Variants in CHMP3 observed in about 807,000 individuals in gnomAD.
CHMP3 encodes the protein charged multivesicular body protein 3.
In CHMP3, 8 loss-of-function variants were observed where a neutral mutation model predicts 27.4. The ratio of observed to expected loss-of-function variants is 0.29; its 90% CI spans 0.17 to 0.53. CHMP3 has a LOEUF of 0.53. Among genes scored for constraint, CHMP3 ranks in the 20% least tolerant of loss-of-function variants. The pLI, the probability that CHMP3 is intolerant of heterozygous loss-of-function variation, is 0.96. For synonymous variants in CHMP3, 86 were observed against 85.5 expected, an observed-to-expected ratio of 1.01 and a Z score of -0.03; for missense variants, 208 against 271.5, an observed-to-expected ratio of 0.77 and a Z score of 1.64.
intron 1 of CHMP3, among the ~76,000 whole-genome samples, chr2:86,552,818 A>G (rs1482763295): frequency 1.3e-5 from 2 of 152,188 alleles, no homozygotes; most frequent in African/African-American, 4.8e-5. Flanking sequence ...TAGAGAAAAA[A>G]GCTAACCACA....
intron 4 of CHMP3, among the ~76,000 whole-genome samples, chr2:86,509,807 T>C (rs1454160709): frequency 6.6e-6 from 1 of 152,256 alleles, no homozygotes; most frequent in Non-Finnish European, 1.5e-5. Flanking sequence ...GACTAGGAGA[T>C]AGGACAGTAT....
At chr2:86,533,164 T>C (rs1675993501) in intron 2 of CHMP3, among the ~76,000 whole-genome samples, 1 of 152,208 alleles carries the variant, frequency 6.6e-6, no homozygotes, top group Admixed American at 6.5e-5. Context: ...AAGTTTCATG[T>C]TTCTAGTAAT....
At chr2:86,550,454 G>GAA (rs1676861889) in intron 1 of CHMP3, among the ~76,000 whole-genome samples, 2 of 151,208 alleles carry the variant, frequency 1.3e-5, no homozygotes. Flanking sequence ...GGGAGAGGGA[G>GAA]AGAGAGAGGG....
At chr2:86,535,994 CT>C (rs60555193) in intron 2 of CHMP3, among the ~76,000 whole-genome samples, 167 of 111,536 alleles carry the variant, frequency 1.5e-3, no homozygotes, top group Admixed American at 4.7e-3. Context: ...ATAAACCTTT[CT>C]TTTTTTTTTT....
chr2:86,552,726 G>C (rs1676959186), intron 1 of CHMP3, among the ~76,000 whole-genome samples: 2 of 152,168 alleles, frequency 1.3e-5, no homozygotes, highest in South Asian at 4.1e-4. Flanking sequence ...CAGGTTACCT[G>C]TGAGGCATTC....
chr2:86,530,212 C>T (rs1371473080), intron 2 of CHMP3, among the ~76,000 whole-genome samples: 2 of 152,062 alleles, frequency 1.3e-5, no homozygotes, highest in African/African-American at 2.4e-5. Context: ...AGGCTGGTCT[C>T]GAACTGCTGA....
chr2:86,552,517 T>TTA (rs1250257138), intron 1 of CHMP3, among the ~76,000 whole-genome samples: 17 of 152,232 alleles, frequency 1.1e-4, no homozygotes, highest in African/African-American at 3.4e-4. Context: ...TTAATGTGTC[T>TTA]AAGTGAAGGA....
intron 3 of CHMP3, among the ~76,000 whole-genome samples, chr2:86,517,415 AATT>A (rs1675353549): frequency 6.6e-6 from 1 of 151,884 alleles, no homozygotes; most frequent in Non-Finnish European, 1.5e-5. Flanking sequence ...AAATACAAAA[AATT>A]AGCTGGGTGT....
chr2:86,506,982 T>G (rs1674911589), intron 5 of CHMP3: 1 of 152,262 alleles, frequency 6.6e-6, no homozygotes, highest in African/African-American at 2.4e-5. Flanking sequence ...CATTCTTAAT[T>G]ATTTCATTAA....
chr2:86,508,872 G>T (rs1450360521), intron 4 of CHMP3, among the ~76,000 whole-genome samples: 1 of 152,198 alleles, frequency 6.6e-6, no homozygotes, highest in African/African-American at 2.4e-5. Flanking sequence ...AGTACTGGGG[G>T]CTACCATAAA....
intron 2 of CHMP3, among the ~76,000 whole-genome samples, chr2:86,538,262 TG>T (rs1392081593): frequency 6.6e-6 from 1 of 152,118 alleles, no homozygotes; most frequent in Non-Finnish European, 1.5e-5. Flanking sequence ...TACCAGGGGC[TG>T]GGGGTAGAGA....
chr2:86,509,877 G>A (rs757638939), intron 4 of CHMP3, among the ~76,000 whole-genome samples: 28 of 152,320 alleles, frequency 1.8e-4, no homozygotes, highest in Non-Finnish European at 3.4e-4. Context: ...TGAGGGCCAC[G>A]AGTACAGGTC....
chr2:86,515,011 TA>T (rs1217223199), intron 3 of CHMP3, among the ~76,000 whole-genome samples: 1 of 151,986 alleles, frequency 6.6e-6, no homozygotes, highest in African/African-American at 2.4e-5. Context: ...GAATATGAAA[TA>T]AACTGGGCAG....
At chr2:86,530,513 CAT>C (rs1675879828) in intron 2 of CHMP3, among the ~76,000 whole-genome samples, 1 of 152,170 alleles carries the variant, frequency 6.6e-6, no homozygotes. Context: ...CATTTTGTAG[CAT>C]ATGTCAGAAC....
rs1490249367 is a variant in CHMP3, at chr2:86,542,317, G to T, written c.46-5C>A. 1 of 1,612,914 alleles carries T rather than the reference G, an allele frequency of 6.2e-7. No individual in the cohort carries two copies. Among genetic ancestry groups the T allele is most frequent in the Non-Finnish European group, 8.5e-7 (1 of 1,179,370 alleles). On this transcript the variant is annotated splice_region_variant and splice_polypyrimidine_tract_variant and intron_variant, in intron 1 of 5. Transcript: ENST00000263856. ...CTTCAATGACCACTCATTGACCTGGGAAAATTTTTAGAAAAGGAATGAGGA... is the reference window on the plus strand; with the variant it reads ...CTTCAATGACCACTCATTGACCTGGTAAAATTTTTAGAAAAGGAATGAGGA...
intron 5 of CHMP3, among the ~76,000 whole-genome samples, chr2:86,506,162 C>T (rs1674878945): frequency 1.3e-5 from 2 of 152,206 alleles, no homozygotes; most frequent in African/African-American, 2.4e-5. Flanking sequence ...TTTTAAGAAT[C>T]TCGGTTCTGA....
At chr2:86,531,086 A>G (rs72932369) in intron 2 of CHMP3, among the ~76,000 whole-genome samples, 29,702 of 152,108 alleles carry the variant, frequency 0.2, 3,762 homozygotes, top group African/African-American at 0.35. Flanking sequence ...CTCTCATCAG[A>G]TAAATGATTT....
intron 4 of CHMP3, among the ~76,000 whole-genome samples, chr2:86,509,484 T>G (rs1343220508): frequency 6.6e-6 from 1 of 152,202 alleles, no homozygotes; most frequent in East Asian, 1.9e-4. Context: ...ATAATTCAAG[T>G]TCATAAATGA....
chr2:86,544,984 CCCAGACGAAGGGCGGCCGGGCAGAGGCG>C (rs1676515515), intron 1 of CHMP3, among the ~76,000 whole-genome samples: 1 of 109,772 alleles, frequency 9.1e-6, no homozygotes, highest in Non-Finnish European at 2.2e-5. Context: ...CTCCTCACCT[CCCAGACGAAGGGCGGCCGGGCAGAGGCG>C]CTCCTCACCT....
Sources: allele counts gnomAD v4.1 joint callset (sites outside exome capture counted in the v4.1 genomes callset), GRCh38; gene constraint gnomAD v4.1.1; transcripts MANE v1.5; gene names NCBI Gene and HGNC (gene_info 2026-07-23, HGNC 2026-07-21).